The following OSBPL1A variants were observed in gnomAD, a reference collection of about 807,000 sequenced individuals.
The protein encoded by OSBPL1A is oxysterol binding protein like 1A.
Under a neutral mutation model 137.1 loss-of-function variants are expected in OSBPL1A, and 80 were observed. The observed-to-expected ratio is 0.58, with a 90% CI of 0.49 to 0.70. The LOEUF (loss-of-function observed/expected upper bound fraction) is 0.70, where lower values mean the gene tolerates loss of function less well. Ranked by LOEUF, OSBPL1A falls within the 30% of genes least tolerant of loss-of-function variation. OSBPL1A has a pLI of 0.00. For missense variants in OSBPL1A, 970 were observed against 1,129.4 expected (o/e 0.86, Z 2.02); for synonymous variants, 365 against 389.7 (o/e 0.94, Z 0.75).
chr18:24,231,615 A>G (rs561723277), intron 16 of OSBPL1A, among the ~76,000 whole-genome samples: 2 of 152,364 alleles, frequency 1.3e-5, no homozygotes, highest in African/African-American at 4.8e-5. Flanking sequence ...TGTCCATGTT[A>G]GAACTCAGAA....
intron 15 of OSBPL1A, among the ~76,000 whole-genome samples, chr18:24,244,946 G>C (rs2088837091): frequency 6.6e-6 from 1 of 152,182 alleles, no homozygotes; most frequent in South Asian, 2.1e-4. Flanking sequence ...CAATCAGCCA[G>C]TTATAAGATA....
intron 7 of OSBPL1A, among the ~76,000 whole-genome samples, chr18:24,326,895 T>C (rs2090990501): frequency 6.6e-6 from 1 of 152,214 alleles, no homozygotes; most frequent in South Asian, 2.1e-4. Flanking sequence ...GAGGTGATTA[T>C]ATACTTTTCT....
intron 1 of OSBPL1A, among the ~76,000 whole-genome samples, chr18:24,386,251 C>T (rs1906957642): frequency 6.6e-6 from 1 of 152,134 alleles, no homozygotes; most frequent in Admixed American, 6.5e-5. Context: ...TTAAATTTCA[C>T]CAAGAAAAGG....
intron 15 of OSBPL1A, 57 bp from the exon 16 acceptor site, chr18:24,239,439 C>A: frequency 6.8e-7 from 1 of 1,469,188 alleles, no homozygotes; most frequent in Non-Finnish European, 9.3e-7. Flanking sequence ...CACAGACGTA[C>A]TCAGAGGATG....
chr18:24,205,619 A>G (rs901233320), intron 17 of OSBPL1A, among the ~76,000 whole-genome samples: 1 of 152,160 alleles, frequency 6.6e-6, no homozygotes, highest in African/African-American at 2.4e-5. Context: ...GTAGAGATTG[A>G]TATTATTGTT....
At chr18:24,353,752 G>A (rs1236543091) in intron 4 of OSBPL1A, among the ~76,000 whole-genome samples, 3 of 151,980 alleles carry the variant, frequency 2.0e-5, no homozygotes, top group East Asian at 1.9e-4. Context: ...AAAATGATGA[G>A]TTCATGTCCT....
At chr18:24,239,028 A>C (rs1243058291) in intron 16 of OSBPL1A, among the ~76,000 whole-genome samples, 192 bp downstream of exon 16, 1 of 152,198 alleles carries the variant, frequency 6.6e-6, no homozygotes, top group African/African-American at 2.4e-5. Flanking sequence ...TTCATTCCAC[A>C]CTTTCAGACA....
At chr18:24,218,890 T>A (rs1475276861) in intron 17 of OSBPL1A, among the ~76,000 whole-genome samples, 1 of 152,204 alleles carries the variant, frequency 6.6e-6, no homozygotes. Flanking sequence ...ATGTGCGGTA[T>A]ATATATTTCA....
chr18:24,377,935 CTTTA>C (rs1312178894), intron 1 of OSBPL1A, among the ~76,000 whole-genome samples: 2 of 152,138 alleles, frequency 1.3e-5, no homozygotes, highest in African/African-American at 4.8e-5. Context: ...CAAAGTATGA[CTTTA>C]TTTCCTATAT....
intron 2 of OSBPL1A, among the ~76,000 whole-genome samples, chr18:24,376,502 G>C (rs1290846794): frequency 6.6e-6 from 1 of 152,244 alleles, no homozygotes; most frequent in Non-Finnish European, 1.5e-5. Context: ...AGACTCAGGA[G>C]CCCAGCTGGC....
chr18:24,249,749 G>A (rs765785519), intron 15 of OSBPL1A, among the ~76,000 whole-genome samples: 2 of 152,210 alleles, frequency 1.3e-5, no homozygotes, highest in African/African-American at 2.4e-5. Context: ...TCAGTGGTCA[G>A]AACTCGAGTT....
chr18:24,348,648 C>T (rs1038510439), intron 4 of OSBPL1A, among the ~76,000 whole-genome samples: 2 of 152,040 alleles, frequency 1.3e-5, no homozygotes, highest in African/African-American at 4.8e-5. Flanking sequence ...GTGATGCGCA[C>T]CTATAATCCC....
intron 14 of OSBPL1A, among the ~76,000 whole-genome samples, chr18:24,299,373 A>G (rs2090355082): frequency 6.6e-6 from 1 of 152,000 alleles, no homozygotes; most frequent in African/African-American, 2.4e-5. Flanking sequence ...GTACATATTG[A>G]GCTTTTGTTT....
chr18:24,317,513 C>T (rs2090758675), intron 9 of OSBPL1A, 113 bp from the exon 10 acceptor site: 2 of 704,914 alleles, frequency 2.8e-6, no homozygotes, highest in Admixed American at 2.9e-5. Flanking sequence ...GACAGTAGCA[C>T]TGAACAGTAA....
Position 24,324,455 on chromosome 18 carries a change from TAAAAAAAAA to T in OSBPL1A, c.626-5655_626-5647del, listed in dbSNP as rs145135815. Among the ~76,000 whole-genome samples, 2 of 12,976 alleles carry T rather than the reference TAAAAAAAAA, an allele frequency of 1.5e-4. 1 individual carries two copies. The highest frequency in any genetic ancestry group is 1.4e-3 in the Admixed American group (2 of 1,448). The allele number at this position is 12,976 out of a possible 152,430, so 8.5% of individuals were successfully genotyped here. On this transcript the variant is annotated intron_variant, in intron 7 of 27. Transcript: ENST00000319481. ...CTCTCAATAAATTTTCTGAAAAAGT[TAAAAAAAAA>T]AAAAAAAAAAAAAAAAAAATTATAT...
At chr18:24,268,282 A>AT (rs1049943051) in intron 15 of OSBPL1A, among the ~76,000 whole-genome samples, 1 of 151,852 alleles carries the variant, frequency 6.6e-6, no homozygotes, top group African/African-American at 2.4e-5. Flanking sequence ...CACCCAGCTA[A>AT]TTTTTTATAT....
chr18:24,165,648 G>C (rs1197247156), intron 26 of OSBPL1A, among the ~76,000 whole-genome samples: 1 of 152,178 alleles, frequency 6.6e-6, no homozygotes, highest in Non-Finnish European at 1.5e-5. Context: ...TGCCTAGTGT[G>C]GGAGAGGATG....
intron 16 of OSBPL1A, among the ~76,000 whole-genome samples, chr18:24,228,745 G>A (rs1055232026): frequency 6.6e-6 from 1 of 152,080 alleles, no homozygotes; most frequent in African/African-American, 2.4e-5. Context: ...AGTAAGAGTG[G>A]GGATGAGGAC....
At chr18:24,269,835 C>G (rs1015896567) in intron 15 of OSBPL1A, among the ~76,000 whole-genome samples, 18 of 130,412 alleles carry the variant, frequency 1.4e-4, no homozygotes, top group Non-Finnish European at 1.5e-4. Context: ...TGAGTCACAT[C>G]AAGCATGACA....
Sources: allele counts gnomAD v4.1 joint callset (sites outside exome capture counted in the v4.1 genomes callset), GRCh38; gene constraint gnomAD v4.1.1; transcripts MANE v1.5; gene names NCBI Gene and HGNC (gene_info 2026-07-23, HGNC 2026-07-21).